The following KCNIP4 variants were observed in gnomAD, a reference collection of about 807,000 sequenced individuals.
KCNIP4 encodes potassium voltage-gated channel interacting protein 4.
In KCNIP4, 12 loss-of-function variants were observed where a neutral mutation model predicts 34.0. The observed-to-expected ratio is 0.35, with a 90% confidence interval of 0.23 to 0.57. KCNIP4 has a LOEUF of 0.57. Among genes scored for constraint, KCNIP4 ranks in the 20% least tolerant of loss-of-function variants. The probability of loss-of-function intolerance (pLI) is 0.83; values close to 1 mark genes in which losing one functional copy is unlikely to be tolerated. For missense variants in KCNIP4, 238 were observed against 311.7 expected, an observed-to-expected ratio of 0.76 and a Z score of 1.78; for synonymous variants, 124 against 102.2, an observed-to-expected ratio of 1.21 and a Z score of -1.29.
rs200110404 is a variant in KCNIP4 at position 21,252,124 on chromosome 4, G to GTTT, written c.62-369418_62-369416dup. ...GCAACATTTAAGTAACATGAATGAGGTTTTGTTTTTTTTTTTTTTTTTGAG... is the reference window on the plus strand; with the variant it reads ...GCAACATTTAAGTAACATGAATGAGGTTTTTTTGTTTTTTTTTTTTTTTTTGAG... On this transcript the variant is annotated intron_variant, in intron 1 of 8. Coordinates refer to ENST00000382152, the MANE Select transcript of KCNIP4 (RefSeq NM_025221.6). 2.8e-4 allele frequency among the ~76,000 whole-genome samples: 32 copies of GTTT among 115,978 alleles called. 1 individual carries two copies. Among genetic ancestry groups the GTTT allele is most frequent in the East Asian group, 1.1e-3 (5 of 4,380 alleles). The allele number at this position is 115,978 out of a possible 152,430, so 76.1% of individuals were successfully genotyped here.
At chr4:21,031,232 T>C (rs780813007) in intron 1 of KCNIP4, among the ~76,000 whole-genome samples, 11 of 152,240 alleles carry the variant, frequency 7.2e-5, no homozygotes, top group Admixed American at 1.3e-4. Context: ...GTGCTTGTCA[T>C]AGAGTCTGGC....
intron 2 of KCNIP4, among the ~76,000 whole-genome samples, chr4:20,853,650 G>C (rs1317322464): frequency 1.3e-5 from 2 of 151,988 alleles, no homozygotes; most frequent in Non-Finnish European, 2.9e-5. Context: ...AAATAGCTGG[G>C]ACCTCATTAA....
intron 1 of KCNIP4, among the ~76,000 whole-genome samples, chr4:21,724,938 T>C (rs1715085267): frequency 6.6e-6 from 1 of 152,102 alleles, no homozygotes; most frequent in South Asian, 2.1e-4. Flanking sequence ...ACATTATCTT[T>C]TGAGCTTCCT....
intron 5 of KCNIP4, among the ~76,000 whole-genome samples, chr4:20,740,899 A>C (rs997608154): frequency 6.6e-6 from 1 of 151,760 alleles, no homozygotes. Flanking sequence ...ATGGAAAACA[A>C]AAAAAAAGCA....
intron 1 of KCNIP4, among the ~76,000 whole-genome samples, chr4:21,081,340 C>G (rs2109020961): frequency 6.6e-6 from 1 of 151,862 alleles, no homozygotes; most frequent in South Asian, 2.1e-4. Context: ...CTAAAATTAA[C>G]ATTCTTATTA....
chr4:21,100,735 G>A (rs1328515292), intron 1 of KCNIP4, among the ~76,000 whole-genome samples: 1 of 152,018 alleles, frequency 6.6e-6, no homozygotes, highest in African/African-American at 2.4e-5. Flanking sequence ...AAATTAAGGT[G>A]TGTACATTGT....
intron 1 of KCNIP4, among the ~76,000 whole-genome samples, chr4:21,433,419 T>C (rs1726666705): frequency 6.6e-6 from 1 of 152,016 alleles, no homozygotes; most frequent in Non-Finnish European, 1.5e-5. Context: ...CTGGGCAAAA[T>C]GGCAAGACCC....
At chr4:21,035,409 T>C (rs1397074912) in intron 1 of KCNIP4, among the ~76,000 whole-genome samples, 1 of 152,224 alleles carries the variant, frequency 6.6e-6, no homozygotes, top group East Asian at 1.9e-4. Context: ...AAGCAATTGT[T>C]ATCTTTACTA....
intron 1 of KCNIP4, among the ~76,000 whole-genome samples, chr4:20,996,529 C>T (rs1737572217): frequency 6.6e-6 from 1 of 152,090 alleles, no homozygotes; most frequent in Admixed American, 6.6e-5. Context: ...TTTGTGATCC[C>T]CATGTGATGT....
At chr4:21,323,778 G>T (rs1714745706) in intron 1 of KCNIP4, among the ~76,000 whole-genome samples, 3 of 152,036 alleles carry the variant, frequency 2.0e-5, no homozygotes, top group East Asian at 1.9e-4. Flanking sequence ...CCTAGCAGTG[G>T]AATTTATGGA....
At chr4:21,200,184 G>C (rs1441065870) in intron 1 of KCNIP4, among the ~76,000 whole-genome samples, 1 of 151,290 alleles carries the variant, frequency 6.6e-6, no homozygotes, top group Non-Finnish European at 1.5e-5. Context: ...AGAATTTAAA[G>C]TATTAAAAAA....
At chr4:21,207,491 A>T (rs1031068951) in intron 1 of KCNIP4, among the ~76,000 whole-genome samples, 1 of 152,210 alleles carries the variant, frequency 6.6e-6, no homozygotes, top group African/African-American at 2.4e-5. Flanking sequence ...ACACACACTT[A>T]TGTACATGTC....
chr4:21,697,617 G>C, intron 1 of KCNIP4: 1 of 1,348,254 alleles, frequency 7.4e-7, no homozygotes, highest in Non-Finnish European at 9.4e-7. Flanking sequence ...TAAAATGCTA[G>C]AGAAGCCAGA....
intron 1 of KCNIP4, among the ~76,000 whole-genome samples, chr4:21,769,592 A>AT (rs1361259879): frequency 2.6e-5 from 4 of 152,008 alleles, no homozygotes; most frequent in African/African-American, 9.7e-5. Context: ...ATGCAAGAAG[A>AT]TTTTATCTAG....
At chr4:20,740,407 A>G (rs1420663122) in intron 5 of KCNIP4, among the ~76,000 whole-genome samples, 1 of 152,222 alleles carries the variant, frequency 6.6e-6, no homozygotes, top group African/African-American at 2.4e-5. Flanking sequence ...AAGCCAGAAG[A>G]GAGTGGGGGC....
At chr4:21,822,014 G>C (rs961265667) in intron 1 of KCNIP4, among the ~76,000 whole-genome samples, 1 of 151,986 alleles carries the variant, frequency 6.6e-6, no homozygotes, top group African/African-American at 2.4e-5. Context: ...ATAAAAAACT[G>C]GTGCACAGAA....
At chr4:21,519,549 T>C (rs1311702152) in intron 1 of KCNIP4, among the ~76,000 whole-genome samples, 1 of 35,118 alleles carries the variant, frequency 2.8e-5, no homozygotes, top group Non-Finnish European at 6.6e-5. Flanking sequence ...TATATACACA[T>C]ATGTGTGTAT....
intron 1 of KCNIP4, among the ~76,000 whole-genome samples, chr4:20,993,162 G>A (rs1737238606): frequency 1.3e-5 from 2 of 152,102 alleles, no homozygotes; most frequent in Admixed American, 1.3e-4. Flanking sequence ...ACAGGACTGG[G>A]AGCCAGACAT....
chr4:21,250,071 T>C (rs1760581354), intron 1 of KCNIP4, among the ~76,000 whole-genome samples: 1 of 151,594 alleles, frequency 6.6e-6, no homozygotes, highest in Non-Finnish European at 1.5e-5. Context: ...TCTGAAAGTG[T>C]AAAGGGAGTG....
Sources: allele counts gnomAD v4.1 joint callset (sites outside exome capture counted in the v4.1 genomes callset), GRCh38; gene constraint gnomAD v4.1.1; transcripts MANE v1.5; gene names NCBI Gene and HGNC (gene_info 2026-07-23, HGNC 2026-07-21).